DYNLT5: variants seen among roughly 807,000 people sequenced by gnomAD.
The protein encoded by DYNLT5 is dynein light chain Tctex-type 5.
A neutral mutation model predicts 19.3 loss-of-function variants in DYNLT5; 25 were observed. The ratio of observed to expected loss-of-function variants is 1.30; its 90% CI spans 0.95 to 1.81. The LOEUF (loss-of-function observed/expected upper bound fraction) is 1.81. DYNLT5 is among the 40% of genes most tolerant of loss of function. The pLI, the probability that DYNLT5 is intolerant of heterozygous loss-of-function variation, is 0.00. For missense variants in DYNLT5, 232 were observed against 217.9 expected, an observed-to-expected ratio of 1.06 and a Z score of -0.41; for synonymous variants, 82 against 68.9, an observed-to-expected ratio of 1.19 and a Z score of -0.94.
intron 3 of DYNLT5, 71 bp downstream of exon 3, chr1:66,770,549 T>G (rs746077623): frequency 8.7e-7 from 1 of 1,147,962 alleles, no homozygotes; most frequent in Admixed American, 1.7e-5. Context: ...AAAATGATAT[T>G]TGATAACCTG....
chr1:66,767,636 A>C (rs1176790903), intron 2 of DYNLT5, among the ~76,000 whole-genome samples: 1 of 152,214 alleles, frequency 6.6e-6, no homozygotes, highest in Non-Finnish European at 1.5e-5. Context: ...ACTTTCTATC[A>C]GATCTACTGC....
chr1:66,769,520 AACACACACACACACAAACACACACCC>A (rs1397571841), intron 2 of DYNLT5, among the ~76,000 whole-genome samples: 1 of 151,340 alleles, frequency 6.6e-6, no homozygotes, highest in Admixed American at 6.6e-5. Context: ...GGTCACTCTG[AACACACACACACACAAACACACACCC>A]ACACACACAC....
Position 66,777,548 on chromosome 1 carries a change from G to T in DYNLT5, c.*94G>T, listed in dbSNP as rs1572554287. 3 of 1,049,646 alleles carry T rather than the reference G, an allele frequency of 2.9e-6. No individual in the cohort carries two copies. The highest frequency in any genetic ancestry group is 4.9e-5 in the East Asian group (2 of 40,836). The allele number at this position is 1,049,646 out of a possible 1,614,324, so 65.0% of individuals were successfully genotyped here. A position where few individuals can be genotyped will look rare whatever the true frequency, so the allele number is the denominator to read the frequency against. ...TTTTACTGCCAAAAACTTTGAGAAA[G>T]AAACAACACTGATATTTCAAGCAAC... On this transcript the variant is annotated 3_prime_UTR_variant, in exon 5 of 5. Transcript: ENST00000282670.
At chr1:66,761,047 G>C (rs2094645199) in intron 2 of DYNLT5, among the ~76,000 whole-genome samples, 1 of 152,106 alleles carries the variant, frequency 6.6e-6, no homozygotes, top group Admixed American at 6.6e-5. Flanking sequence ...TCATGTTCCT[G>C]CCTCTTTCAT....
intron 2 of DYNLT5, among the ~76,000 whole-genome samples, chr1:66,757,844 C>T (rs2094639137): frequency 3.9e-5 from 6 of 152,132 alleles, no homozygotes. Flanking sequence ...AAATTCAAAT[C>T]TCTATATGCA....
At chr1:66,775,261 T>C (rs1232090493) in intron 3 of DYNLT5, 1 of 152,226 alleles carries the variant, frequency 6.6e-6, no homozygotes, top group Non-Finnish European at 1.5e-5. Context: ...ACTCAATGTA[T>C]ATAAATCTCT....
chr1:66,755,943 G>A (rs147223915), intron 2 of DYNLT5, among the ~76,000 whole-genome samples: 55 of 152,136 alleles, frequency 3.6e-4, no homozygotes, highest in African/African-American at 1.1e-3. Flanking sequence ...CATAAATTAC[G>A]TACCCATGAT....
chr1:66,774,248 C>T (rs913936491), intron 3 of DYNLT5, among the ~76,000 whole-genome samples: 2 of 151,992 alleles, frequency 1.3e-5, no homozygotes, highest in Non-Finnish European at 2.9e-5. Flanking sequence ...CTTTTGCCAC[C>T]AGAAAGAGGC....
intron 1 of DYNLT5, among the ~76,000 whole-genome samples, chr1:66,753,334 C>G (rs2094630568): frequency 6.6e-6 from 1 of 152,162 alleles, no homozygotes; most frequent in African/African-American, 2.4e-5. Flanking sequence ...CTTATCGGGG[C>G]TCTCACATTT....
At chr1:66,753,882 T>C (rs1222212068) in intron 1 of DYNLT5, among the ~76,000 whole-genome samples, 1 of 152,000 alleles carries the variant, frequency 6.6e-6, no homozygotes, top group Non-Finnish European at 1.5e-5. Context: ...CCCAGGAGTT[T>C]GAAGTTACGG....
At chr1:66,773,057 A>G (rs1389155187) in intron 3 of DYNLT5, among the ~76,000 whole-genome samples, 1 of 152,194 alleles carries the variant, frequency 6.6e-6, no homozygotes, top group Non-Finnish European at 1.5e-5. Flanking sequence ...TACTCCTGAA[A>G]GTGACTGACT....
In DYNLT5 at chr1:66,752,477, G is replaced by T. The variant is rs1043858931; in HGVS notation, c.-111G>T. 8 of 985,418 alleles carry T rather than the reference G, an allele frequency of 8.1e-6. No homozygotes were observed. In the African/African-American group the frequency reaches 1.2e-4, roughly 15 times the overall value. 61.0% of individuals were successfully genotyped at this position (985,418 alleles called of 1,614,324 possible). On this transcript the variant is annotated 5_prime_UTR_variant, in exon 1 of 5. Coordinates refer to ENST00000282670, the MANE Select transcript of DYNLT5 (RefSeq NM_152665.3). ...CGGCCTCAGAGTCCAGGGAGAGTGC[G>T]CGGGCGGCCGCCGGCTGAATGAAGC...
At chr1:66,756,959 G>A (rs72922048) in intron 2 of DYNLT5, among the ~76,000 whole-genome samples, 6 of 152,194 alleles carry the variant, frequency 3.9e-5, no homozygotes, top group South Asian at 2.1e-4. Context: ...TCAGAATTTC[G>A]CTCCATCTCC....
chr1:66,776,212 A>C, intron 3 of DYNLT5, 67 bp from the exon 4 acceptor site: 1 of 1,545,078 alleles, frequency 6.5e-7, no homozygotes, highest in Non-Finnish European at 8.7e-7. Flanking sequence ...TCTTTTGATT[A>C]GCCTATGGGG....
intron 4 of DYNLT5, among the ~76,000 whole-genome samples, 153 bp downstream of exon 4, chr1:66,776,556 T>TG (rs1317554230): frequency 7.8e-5 from 11 of 141,680 alleles, no homozygotes; most frequent in African/African-American, 2.8e-4. Context: ...TATGTGTGTG[T>TG]GTGGGTGTGT....
chr1:66,776,406 A>G lies in DYNLT5; in HGVS notation c.336+3A>G, dbSNP rs1645235267. ...AGATGACTAAAACCATTTCTGAGGTACGTGTGTGATTTGCCCAAAGTGTTA... is the reference window on the plus strand; with the variant it reads ...AGATGACTAAAACCATTTCTGAGGTGCGTGTGTGATTTGCCCAAAGTGTTA... On this transcript the variant is annotated splice_donor_region_variant and intron_variant, in intron 4 of 4. Transcript: ENST00000282670. 6.3e-7 allele frequency: 1 copy of G among 1,597,462 alleles called. No individual in the cohort carries two copies. Among genetic ancestry groups the G allele is most frequent in the Non-Finnish European group, 8.5e-7 (1 of 1,170,006 alleles).
intron 2 of DYNLT5, 90 bp from the exon 3 acceptor site, chr1:66,770,297 A>G: frequency 1.1e-6 from 1 of 885,896 alleles, no homozygotes; most frequent in South Asian, 1.5e-5. Context: ...AGAAAACTTC[A>G]TCTTTGTAAC....
intron 4 of DYNLT5, 144 bp downstream of exon 4, chr1:66,776,547 A>ATGTGTGTGTGTGGGTG: frequency 1.3e-6 from 1 of 742,584 alleles, no homozygotes; most frequent in East Asian, 3.8e-5. Flanking sequence ...TTCTACATAT[A>ATGTGTGTGTGTGGGTG]TGTGTGTGTG....
At position 66,777,449 on chromosome 1, in the gene DYNLT5, G is replaced by C; in HGVS notation, c.535G>C (p.Glu179Gln). 1 of 1,611,534 alleles carries C rather than the reference G, an allele frequency of 6.2e-7. No individual in the cohort carries two copies. The highest frequency in any genetic ancestry group is 1.1e-5 in the South Asian group (1 of 90,836). The change falls in exon 5 of 5, where the codon GAG becomes CAG. Residue 179 changes from glutamate (E) to glutamine (Q), a missense_variant. Physicochemically the swap from Glu to Gln is conservative, Grantham distance 29. Coordinates refer to ENST00000282670, the MANE Select transcript of DYNLT5 (RefSeq NM_152665.3). ...TGCAAATGTCTATGCAGTTTACCTT[G>C]AGTGATTGAAAATAAGAAATCTAGC... ...ALANVYAVYL[E>Q]
Sources: allele counts gnomAD v4.1 joint callset (sites outside exome capture counted in the v4.1 genomes callset), GRCh38; gene constraint gnomAD v4.1.1; transcripts MANE v1.5; gene names NCBI Gene and HGNC (gene_info 2026-07-23, HGNC 2026-07-21).